Variants in DDHD1 observed in about 807,000 individuals in gnomAD.
The protein encoded by DDHD1 is DDHD domain containing 1, also known as phospholipase DDHD1.
In DDHD1, 49 loss-of-function variants were observed where a neutral mutation model predicts 96.4. The observed-to-expected ratio is 0.51, with a 90% confidence interval of 0.40 to 0.64. The LOEUF is 0.64. DDHD1 is among the 30% of genes least tolerant of loss of function. The probability of loss-of-function intolerance (pLI) is 0.00; values close to 1 mark genes in which losing one functional copy is unlikely to be tolerated. For synonymous variants in DDHD1, 442 were observed against 446.5 expected (o/e 0.99, Z 0.13); for missense variants, 1,106 against 1,161.2 (o/e 0.95, Z 0.69).
At chr14:53,062,897 T>G in intron 7 of DDHD1, 46 bp downstream of exon 7, 1 of 1,584,970 alleles carries the variant, frequency 6.3e-7, no homozygotes, top group Non-Finnish European at 8.6e-7. Flanking sequence ...GTCCAGTAAT[T>G]CCATAAAGAC....
rs762784960 is a variant in DDHD1, at chr14:53,152,246, C to T, written c.838+15G>A. The T allele has an allele frequency of 1.4e-5, 22 of 1,585,044 alleles. No individual in the cohort carries two copies. ...GGGGCAGCCCGTCCTGCCCTAACCC[C>T]GGCCCGCTACTCACGGTTCCAGTAC... On this transcript the variant is annotated intron_variant, in intron 1 of 12. Coordinates refer to ENST00000673822, the MANE Select transcript of DDHD1 (RefSeq NM_001160148.2).
chr14:53,063,865 G>GT (rs1883804140), intron 6 of DDHD1, among the ~76,000 whole-genome samples: 1 of 152,028 alleles, frequency 6.6e-6, no homozygotes, highest in African/African-American at 2.4e-5. Context: ...GAGTATTTTC[G>GT]TAATTTTTCT....
intron 6 of DDHD1, among the ~76,000 whole-genome samples, chr14:53,064,040 T>C (rs1883815587): frequency 6.6e-6 from 1 of 152,126 alleles, no homozygotes; most frequent in East Asian, 1.9e-4. Context: ...ACTGATTTAA[T>C]GGCAATGTAC....
chr14:53,124,211 G>T lies in DDHD1; in HGVS notation c.839-20355C>A, dbSNP rs1196848884. On this transcript the variant is annotated intron_variant, in intron 1 of 12. Transcript: ENST00000673822. Reference sequence around the variant, plus strand: ...GATCACGCCAGTGCACTCCAGCCTGGGCGACAAGAGTGAAACTCTGTCTCA... The same window carrying T: ...GATCACGCCAGTGCACTCCAGCCTGTGCGACAAGAGTGAAACTCTGTCTCA... Among the ~76,000 whole-genome samples the T allele has an allele frequency of 6.7e-5, 10 of 150,224 alleles. 1 individual carries two copies. In the South Asian group the frequency reaches 2.1e-3, roughly 31 times the overall value.
intron 1 of DDHD1, among the ~76,000 whole-genome samples, chr14:53,128,274 T>C (rs753370846): frequency 8.5e-5 from 13 of 152,360 alleles, no homozygotes; most frequent in Admixed American, 2.6e-4. Flanking sequence ...ACTAAGGATC[T>C]GTCTTAGTCC....
intron 1 of DDHD1, among the ~76,000 whole-genome samples, chr14:53,132,277 T>C (rs764714347): frequency 6.6e-5 from 10 of 152,170 alleles, no homozygotes; most frequent in Non-Finnish European, 1.3e-4. Context: ...CCAAACAACT[T>C]GACCTTACTG....
chr14:53,141,335 C>T (rs895717806), intron 1 of DDHD1, among the ~76,000 whole-genome samples: 5 of 152,220 alleles, frequency 3.3e-5, no homozygotes, highest in South Asian at 2.1e-4. Flanking sequence ...TAAGTGAAAA[C>T]GAGTGAAGAT....
intron 1 of DDHD1, among the ~76,000 whole-genome samples, chr14:53,149,353 C>A (rs890992559): frequency 3.3e-5 from 5 of 152,066 alleles, no homozygotes; most frequent in Non-Finnish European, 7.4e-5. Context: ...TTTTCAAACA[C>A]TTTTATTACC....
intron 2 of DDHD1, among the ~76,000 whole-genome samples, chr14:53,102,142 T>C (rs1406275828): frequency 3.3e-5 from 5 of 152,034 alleles, no homozygotes; most frequent in Admixed American, 3.3e-4. Flanking sequence ...ACTTCTCCAA[T>C]GGCAATAAGA....
At chr14:53,070,974 A>G (rs1884462012) in intron 6 of DDHD1, among the ~76,000 whole-genome samples, 1 of 152,158 alleles carries the variant, frequency 6.6e-6, no homozygotes, top group Admixed American at 6.6e-5. Context: ...GCAGCAACAC[A>G]TCTGTTTCAG....
At chr14:53,083,305 G>T (rs1014130731) in intron 4 of DDHD1, among the ~76,000 whole-genome samples, 2 of 152,144 alleles carry the variant, frequency 1.3e-5, no homozygotes, top group African/African-American at 2.4e-5. Context: ...AGTCTTCTAA[G>T]ATTATAGCTT....
At chr14:53,072,757 G>C in intron 5 of DDHD1, 54 bp from the exon 6 acceptor site, 3 of 1,195,358 alleles carry the variant, frequency 2.5e-6, no homozygotes, top group Non-Finnish European at 3.6e-6. Context: ...TCTGTTACAG[G>C]AAAGTAATAG....
chr14:53,073,707 T>A (rs757364837), intron 5 of DDHD1, 34 bp downstream of exon 5: 1 of 1,549,644 alleles, frequency 6.5e-7, no homozygotes. Context: ...AAGTTTGCCA[T>A]TGGCTAAATC....
In DDHD1 at chr14:53,061,306, A is replaced by G. The variant is rs1223929791; in HGVS notation, c.1767-105T>C. 3 of 806,944 alleles carry G rather than the reference A, an allele frequency of 3.7e-6. No individual in the cohort carries two copies. In the African/African-American group the frequency reaches 5.3e-5, roughly 14 times the overall value. 50.0% of individuals were successfully genotyped at this position (806,944 alleles called of 1,614,324 possible). On this transcript the variant is annotated intron_variant, in intron 7 of 12. Transcript: ENST00000673822. Reference sequence around the variant, plus strand: ...ATAAAGACGCAGATGATGGCCCACTATCCCTCACATTAATCCTGGTTGACA... The same window carrying G: ...ATAAAGACGCAGATGATGGCCCACTGTCCCTCACATTAATCCTGGTTGACA...
At chr14:53,120,581 T>C (rs1888909732) in intron 1 of DDHD1, among the ~76,000 whole-genome samples, 1 of 152,182 alleles carries the variant, frequency 6.6e-6, no homozygotes. Flanking sequence ...AACAGCATGG[T>C]ACTAGTACCA....
At chr14:53,062,506 A>T (rs1883672874) in intron 7 of DDHD1, among the ~76,000 whole-genome samples, 1 of 151,882 alleles carries the variant, frequency 6.6e-6, no homozygotes, top group Non-Finnish European at 1.5e-5. Flanking sequence ...ATGTTTATAC[A>T]TATAACATGT....
In DDHD1 at chr14:53,152,496, C is replaced by G. The variant is rs1226492546; in HGVS notation, c.603G>C (p.Thr201=). The change falls in exon 1 of 13, where the codon ACG becomes ACC. Residue 201 remains threonine, a synonymous_variant. Coordinates refer to ENST00000673822, the MANE Select transcript of DDHD1 (RefSeq NM_001160148.2). ...ELAFRTLLQT[T]GARPQGGDRD... Reference sequence around the variant, plus strand: ...GGTCCCCGCCCTGGGGCCGGGCACCCGTGGTCTGCAGCAGGGTCCGGAAGG... The same window carrying G: ...GGTCCCCGCCCTGGGGCCGGGCACCGGTGGTCTGCAGCAGGGTCCGGAAGG... 11 of 1,613,174 alleles carry G rather than the reference C, an allele frequency of 6.8e-6. No homozygotes were observed. The highest frequency in any genetic ancestry group is 4.5e-5 in the East Asian group (2 of 44,838).
chr14:53,091,704 T>A (rs1158017056), intron 4 of DDHD1, 81 bp downstream of exon 4: 3 of 1,419,756 alleles, frequency 2.1e-6, no homozygotes, highest in Non-Finnish European at 2.9e-6. Flanking sequence ...GTGGAATTAG[T>A]ATACTGTTAA....
At chr14:53,117,504 G>C (rs1178149085) in intron 1 of DDHD1, among the ~76,000 whole-genome samples, 1 of 152,210 alleles carries the variant, frequency 6.6e-6, no homozygotes, top group Non-Finnish European at 1.5e-5. Flanking sequence ...CCTGTCACTG[G>C]TTTGGCAGGT....
Sources: gnomAD v4.1 joint callset for allele counts (sites outside exome capture counted in the v4.1 genomes callset) on GRCh38, gnomAD v4.1.1 for gene constraint, MANE v1.5 for transcripts, NCBI Gene and HGNC (gene_info 2026-07-23, HGNC 2026-07-21) for gene names.